The following PCDHA12 variants were observed in gnomAD, a reference collection of about 807,000 sequenced individuals.
PCDHA12 encodes protocadherin alpha 12.
Under a neutral mutation model 60.0 loss-of-function variants are expected in PCDHA12, and 44 were observed. That is an observed-to-expected ratio of 0.73 (90% CI 0.58 to 0.94). The LOEUF is 0.94. Among genes scored for constraint, PCDHA12 ranks in the 40% least tolerant of loss-of-function variants. PCDHA12 has a pLI of 0.00. For missense variants in PCDHA12, 1,276 were observed against 1,239.7 expected, an observed-to-expected ratio of 1.03 and a Z score of -0.44; for synonymous variants, 569 against 553.0, an observed-to-expected ratio of 1.03 and a Z score of -0.40.
At chr5:140,902,400 C>T (rs2069421777) in intron 1 of PCDHA12, among the ~76,000 whole-genome samples, 1 of 151,930 alleles carries the variant, frequency 6.6e-6, no homozygotes, top group South Asian at 2.1e-4. Flanking sequence ...ATGTTGAATA[C>T]TATGTTGAAT....
intron 1 of PCDHA12, among the ~76,000 whole-genome samples, chr5:140,945,974 A>C (rs887994156): frequency 6.6e-5 from 10 of 152,146 alleles, no homozygotes; most frequent in African/African-American, 2.2e-4. Flanking sequence ...AATAAAAGCA[A>C]AAATAGACTA....
intron 1 of PCDHA12, among the ~76,000 whole-genome samples, chr5:140,939,246 C>G (rs536477969): frequency 6.6e-5 from 10 of 152,230 alleles, no homozygotes; most frequent in African/African-American, 2.2e-4. Context: ...AGCAAGGTAG[C>G]TCTCTGGAAC....
At position 140,876,994 on chromosome 5, in the gene PCDHA12, G is replaced by C. The variant is rs375771604; in HGVS notation, c.1522G>C (p.Val508Leu). ...GGGCGAGCACGCACTGTCGAGCTACGTGTCGGTGCACGCGGAGAGCGGCAA... is the reference window on the plus strand; with the variant it reads ...GGGCGAGCACGCACTGTCGAGCTACCTGTCGGTGCACGCGGAGAGCGGCAA... Reference protein sequence around the residue: ...RVGEHALSSYVSVHAESGKVY... With the variant: ...RVGEHALSSYLSVHAESGKVY... The change falls in exon 1 of 4, where the codon GTG becomes CTG. Residue 508 changes from valine to leucine, a missense_variant. Val to Leu is a conservative substitution (Grantham distance 32). Coordinates refer to ENST00000398631, the MANE Select transcript of PCDHA12 (RefSeq NM_018903.4). The C allele has an allele frequency of 3.7e-6, 6 of 1,612,620 alleles. No individual in the cohort carries two copies. Among genetic ancestry groups the C allele is most frequent in the South Asian group, 1.1e-5 (1 of 91,026 alleles).
intron 1 of PCDHA12, chr5:140,881,263 G>A: frequency 1.7e-6 from 1 of 575,868 alleles, no homozygotes; most frequent in Non-Finnish European, 2.2e-6. Flanking sequence ...TTTACTCAGT[G>A]ATGATGAAGT....
chr5:140,975,841 G>T (rs1389959509), intron 1 of PCDHA12, among the ~76,000 whole-genome samples: 1 of 152,066 alleles, frequency 6.6e-6, no homozygotes, highest in Non-Finnish European at 1.5e-5. Context: ...TTATTCTTCA[G>T]TAATACTACA....
intron 1 of PCDHA12, among the ~76,000 whole-genome samples, chr5:140,972,402 G>A (rs1554234110): frequency 6.6e-6 from 1 of 151,784 alleles, no homozygotes; most frequent in Non-Finnish European, 1.5e-5. Context: ...TTCACTATTG[G>A]CAAACCCTGT....
At chr5:140,922,373 C>A (rs1337198160) in intron 1 of PCDHA12, among the ~76,000 whole-genome samples, 1 of 152,158 alleles carries the variant, frequency 6.6e-6, no homozygotes, top group African/African-American at 2.4e-5. Context: ...CACTGAGATG[C>A]AAAACCAAAG....
Position 140,876,597 on chromosome 5 carries a change from G to A in PCDHA12, c.1125G>A (p.Ser375=). The A allele has an allele frequency of 6.2e-7, 1 of 1,614,160 alleles. No homozygotes were observed. Among genetic ancestry groups the A allele is most frequent in the Non-Finnish European group, 8.5e-7 (1 of 1,180,028 alleles). ...VGTVIALISV[S]DRDSGANGQV... is the part of the protein sequence containing the mutation. ...CCGTCATTGCCCTGATTAGCGTGTC[G>A]GATCGTGACTCTGGAGCCAATGGAC... The change falls in exon 1 of 4, where the codon TCG becomes TCA. Residue 375 remains serine, a synonymous_variant. Coordinates refer to ENST00000398631, the MANE Select transcript of PCDHA12 (RefSeq NM_018903.4).
intron 1 of PCDHA12, among the ~76,000 whole-genome samples, chr5:140,947,198 TA>T (rs1554218091): frequency 1.3e-5 from 2 of 151,312 alleles, no homozygotes; most frequent in African/African-American, 4.8e-5. Flanking sequence ...TACACAGCCT[TA>T]AAAAAAGAAA....
At chr5:140,909,360 T>C (rs2074454382) in intron 1 of PCDHA12, among the ~76,000 whole-genome samples, 1 of 152,222 alleles carries the variant, frequency 6.6e-6, no homozygotes, top group South Asian at 2.1e-4. Flanking sequence ...ATGTGTTAAT[T>C]TGTTCAAGCA....
At chr5:140,985,729 T>C (rs1314785007) in intron 3 of PCDHA12, among the ~76,000 whole-genome samples, 2 of 149,858 alleles carry the variant, frequency 1.3e-5, no homozygotes, top group Non-Finnish European at 3.0e-5. Flanking sequence ...TTTCCTTCAC[T>C]GATGAATTCC....
At chr5:140,970,009 A>G (rs2096376687) in intron 1 of PCDHA12, among the ~76,000 whole-genome samples, 2 of 152,174 alleles carry the variant, frequency 1.3e-5, no homozygotes, top group African/African-American at 4.8e-5. Flanking sequence ...GGAGTGGATG[A>G]TGGTGAGGCA....
intron 1 of PCDHA12, among the ~76,000 whole-genome samples, chr5:140,939,081 G>A (rs547616686): frequency 1.3e-5 from 2 of 152,222 alleles, no homozygotes; most frequent in African/African-American, 2.4e-5. Context: ...GCATAAACTG[G>A]GTGGCTTAAA....
chr5:140,971,857 T>G (rs1312639660), intron 1 of PCDHA12, among the ~76,000 whole-genome samples: 12 of 152,198 alleles, frequency 7.9e-5, no homozygotes, highest in African/African-American at 2.9e-4. Flanking sequence ...TAAATATTTG[T>G]TAACATCTAG....
At chr5:140,944,543 G>C (rs2093667961) in intron 1 of PCDHA12, among the ~76,000 whole-genome samples, 1 of 152,142 alleles carries the variant, frequency 6.6e-6, no homozygotes, top group South Asian at 2.1e-4. Context: ...AGTATTTAAA[G>C]ATCATAGTTT....
chr5:141,011,890 A>G lies in PCDHA12; in HGVS notation c.*1953A>G, dbSNP rs7701616. 0.061 allele frequency: 9,307 copies of G among 153,488 alleles called. 355 individuals carry two copies. The highest frequency in any genetic ancestry group is 0.11 in the South Asian group (541 of 4,828). The allele number at this position is 153,488 out of a possible 1,614,324, so 9.5% of individuals were successfully genotyped here. On this transcript the variant is annotated 3_prime_UTR_variant, in exon 4 of 4. Coordinates refer to ENST00000398631, the MANE Select transcript of PCDHA12 (RefSeq NM_018903.4). ...GTACAATTTAGAAGTTTGATTAATT[A>G]TATTATCTATTTAGGCATTAATATA... is the stretch of plus-strand genomic sequence containing the variant.
In PCDHA12 at chr5:140,875,772, G is replaced by A. The variant is rs781933974; in HGVS notation, c.300G>A (p.Ala100=). The change falls in exon 1 of 4, where the codon GCG becomes GCA. Residue 100 remains alanine (A), a synonymous_variant. Transcript: ENST00000398631. ...IDREKLCGRS[A]ECSIHLEVIV... ...GCGAGAAGCTGTGCGGGCGGAGCGCGGAGTGCAGTATCCACCTGGAGGTGA... is the reference window on the plus strand; with the variant it reads ...GCGAGAAGCTGTGCGGGCGGAGCGCAGAGTGCAGTATCCACCTGGAGGTGA... 2.3e-5 allele frequency: 37 copies of A among 1,614,136 alleles called. No individual in the cohort carries two copies. The highest frequency in any genetic ancestry group is 3.3e-5 in the South Asian group (3 of 91,088).
chr5:140,882,731 G>C, intron 1 of PCDHA12: 1 of 1,614,232 alleles, frequency 6.2e-7, no homozygotes, highest in Non-Finnish European at 8.5e-7. Flanking sequence ...ATTTCCACTA[G>C]ATGGCGCATC....
At chr5:141,001,122 TAAAC>T (rs1274933487) in intron 3 of PCDHA12, among the ~76,000 whole-genome samples, 1 of 152,154 alleles carries the variant, frequency 6.6e-6, no homozygotes, top group African/African-American at 2.4e-5. Flanking sequence ...CAATAGTCCT[TAAAC>T]AAATGAATCT....
Sources: allele counts gnomAD v4.1 joint callset (sites outside exome capture counted in the v4.1 genomes callset), GRCh38; gene constraint gnomAD v4.1.1; transcripts MANE v1.5; gene names NCBI Gene and HGNC (gene_info 2026-07-23, HGNC 2026-07-21).